The following RELN variants were observed in gnomAD, a reference collection of about 807,000 sequenced individuals.
RELN encodes the protein reelin.
Under a neutral mutation model 427.6 loss-of-function variants are expected in RELN, and 108 were observed. That is an observed-to-expected ratio of 0.25 (90% CI 0.22 to 0.30). The LOEUF is 0.30. RELN is among the 10% of genes least tolerant of loss of function. The pLI is 1.00. For synonymous variants in RELN, 1,524 were observed against 1,513.4 expected, an observed-to-expected ratio of 1.01 and a Z score of -0.16; for missense variants, 3,715 against 4,302.8, an observed-to-expected ratio of 0.86 and a Z score of 3.82.
intron 1 of RELN, among the ~76,000 whole-genome samples, chr7:103,930,791 C>T (rs1795845012): frequency 6.6e-6 from 1 of 151,586 alleles, no homozygotes; most frequent in South Asian, 2.1e-4. Context: ...CTATTCATTG[C>T]TTTTCTTCAT....
intron 2 of RELN, among the ~76,000 whole-genome samples, chr7:103,875,063 A>T (rs926313609): frequency 6.9e-6 from 1 of 145,562 alleles, no homozygotes; most frequent in African/African-American, 2.5e-5. Flanking sequence ...GCATACCTAC[A>T]ACTATCTGAT....
intron 2 of RELN, among the ~76,000 whole-genome samples, chr7:103,842,584 T>G (rs1415477909): frequency 3.3e-5 from 5 of 152,210 alleles, no homozygotes; most frequent in African/African-American, 1.2e-4. Flanking sequence ...CAATAGCTCT[T>G]AAGTAGAGTA....
intron 3 of RELN, among the ~76,000 whole-genome samples, chr7:103,801,974 C>A (rs1281483949): frequency 2.6e-5 from 4 of 152,160 alleles, no homozygotes; most frequent in African/African-American, 9.6e-5. Context: ...TTTACTAATG[C>A]ACTGGTACGT....
At chr7:103,830,931 G>A (rs1793259196) in intron 3 of RELN, among the ~76,000 whole-genome samples, 1 of 152,128 alleles carries the variant, frequency 6.6e-6, no homozygotes, top group African/African-American at 2.4e-5. Flanking sequence ...GGGTGAGGAT[G>A]TGTAAACTTT....
chr7:103,933,876 T>G (rs1005830313), intron 1 of RELN, among the ~76,000 whole-genome samples: 3 of 152,092 alleles, frequency 2.0e-5, no homozygotes, highest in Non-Finnish European at 4.4e-5. Flanking sequence ...TTGTTGTTGT[T>G]TTCCACTTTC....
chr7:103,781,822 C>T (rs113961263), intron 3 of RELN, among the ~76,000 whole-genome samples: 7 of 151,600 alleles, frequency 4.6e-5, no homozygotes, highest in African/African-American at 1.7e-4. Flanking sequence ...TGATTCATTT[C>T]CAGAATTGTT....
chr7:103,649,023 A>G (rs907445522), intron 16 of RELN, among the ~76,000 whole-genome samples: 7 of 152,118 alleles, frequency 4.6e-5, no homozygotes, highest in Admixed American at 3.3e-4. Context: ...GGAAAACAGT[A>G]TAGATATCTC....
intron 6 of RELN, among the ~76,000 whole-genome samples, chr7:103,741,698 G>A (rs117978434): frequency 2.6e-5 from 4 of 151,172 alleles, no homozygotes; most frequent in Non-Finnish European, 5.9e-5. Context: ...AGGGAGGGAG[G>A]GAAAGAGAGG....
At chr7:103,606,408 C>G (rs865942798) in intron 22 of RELN, among the ~76,000 whole-genome samples, 8 of 152,236 alleles carry the variant, frequency 5.3e-5, no homozygotes, top group Non-Finnish European at 7.4e-5. Context: ...CCCCCAGGAC[C>G]CTGGTTCTGC....
intron 1 of RELN, among the ~76,000 whole-genome samples, chr7:103,919,655 C>G (rs1006845674): frequency 2.1e-4 from 32 of 152,164 alleles, no homozygotes; most frequent in African/African-American, 7.0e-4. Context: ...CGCACCAGCT[C>G]TAATCTTTCC....
chr7:103,752,607 G>T (rs1791032714), intron 5 of RELN, among the ~76,000 whole-genome samples: 1 of 151,752 alleles, frequency 6.6e-6, no homozygotes, highest in Non-Finnish European at 1.5e-5. Flanking sequence ...AGAGATGGGG[G>T]TCTTGCTCTG....
intron 1 of RELN, among the ~76,000 whole-genome samples, chr7:103,976,397 A>T (rs1346244963): frequency 6.7e-6 from 1 of 149,156 alleles, no homozygotes; most frequent in African/African-American, 2.5e-5. Context: ...GAAAGTGAGC[A>T]AGCGTTAACA....
chr7:103,896,602 G>A (rs1281936871), intron 2 of RELN, among the ~76,000 whole-genome samples: 2 of 152,042 alleles, frequency 1.3e-5, no homozygotes, highest in African/African-American at 4.8e-5. Flanking sequence ...GGGTAGTGGG[G>A]TGAGAGGTGA....
At chr7:103,720,754 T>G (rs141605610) in intron 8 of RELN, among the ~76,000 whole-genome samples, 1 of 152,188 alleles carries the variant, frequency 6.6e-6, no homozygotes. Flanking sequence ...CCCACAATTA[T>G]GGCATTTCTA....
At position 103,661,465 on chromosome 7, in the gene RELN, A is replaced by T; in HGVS notation, c.1352T>A (p.Met451Lys). ...CCTCTCTCCATCTTTGAGGAAGACC[A>T]TTGATAAGCCTGATTCTATCGTTCC... Reference protein sequence around the residue: ...ECGTIESGLSMVFLKDGERKL... With the variant: ...ECGTIESGLSKVFLKDGERKL... Residue 451 changes from methionine (M) to lysine (K), a missense_variant, in exon 12 of 65, where the codon ATG becomes AAG. Physicochemically the swap from Met to Lys is moderately conservative, Grantham distance 95. Coordinates refer to ENST00000428762, the MANE Select transcript of RELN (RefSeq NM_005045.4). 6.2e-7 allele frequency: 1 copy of T among 1,613,758 alleles called. No individual in the cohort carries two copies. Among genetic ancestry groups the T allele is most frequent in the Non-Finnish European group, 8.5e-7 (1 of 1,179,782 alleles).
chr7:103,637,745 G>A (rs1312425745), intron 17 of RELN, among the ~76,000 whole-genome samples: 19 of 152,092 alleles, frequency 1.2e-4, no homozygotes, highest in African/African-American at 3.9e-4. Context: ...TAGCCAAGTT[G>A]TTTCCAAAAA....
chr7:103,643,399 C>T, intron 16 of RELN, among the ~76,000 whole-genome samples: 1 of 151,960 alleles, frequency 6.6e-6, no homozygotes, highest in East Asian at 1.9e-4. Flanking sequence ...AGGGATTCAC[C>T]ATCTTGTATC....
At chr7:103,901,042 T>G (rs1341900435) in intron 2 of RELN, among the ~76,000 whole-genome samples, 1 of 152,026 alleles carries the variant, frequency 6.6e-6, no homozygotes, top group Non-Finnish European at 1.5e-5. Flanking sequence ...CTGTCCATAC[T>G]GTTACAACTC....
At chr7:103,641,285 TA>T (rs919858667) in intron 16 of RELN, among the ~76,000 whole-genome samples, 1 of 152,236 alleles carries the variant, frequency 6.6e-6, no homozygotes, top group Non-Finnish European at 1.5e-5. Flanking sequence ...TTCCATTTTT[TA>T]GGCATAAGCA....
Sources: allele counts gnomAD v4.1 joint callset (sites outside exome capture counted in the v4.1 genomes callset), GRCh38; gene constraint gnomAD v4.1.1; transcripts MANE v1.5; gene names NCBI Gene and HGNC (gene_info 2026-07-23, HGNC 2026-07-21).